The following PTPN4 variants were observed in gnomAD, a reference collection of about 807,000 sequenced individuals.
PTPN4 encodes the protein tyrosine-protein phosphatase non-receptor type 4.
PTPN4 carries 49 observed loss-of-function variants against 135.5 expected under a neutral mutation model. The observed-to-expected ratio is 0.36, with a 90% CI of 0.29 to 0.46. The LOEUF is 0.46. Ranked by LOEUF, PTPN4 falls within the 20% of genes least tolerant of loss-of-function variation. PTPN4 has a pLI of 1.00. For missense variants in PTPN4, 860 were observed against 1,101.0 expected, an observed-to-expected ratio of 0.78 and a Z score of 3.10; for synonymous variants, 333 against 369.9, an observed-to-expected ratio of 0.90 and a Z score of 1.14.
chr2:119,763,048 T>C (rs191360471), intron 1 of PTPN4, among the ~76,000 whole-genome samples: 143 of 152,270 alleles, frequency 9.4e-4, no homozygotes, highest in Non-Finnish European at 1.7e-3. Flanking sequence ...TAGGATATAA[T>C]GTAGAAATAC....
Position 119,920,119 on chromosome 2 carries a change from A to G in PTPN4, c.879A>G (p.Ala293=), listed in dbSNP as rs142256215. ...LLGFNMVNYR[A]CKNLWKACVE... ...GATTTAATATGGTGAATTACAGAGCATGTAAAAATTTGTGGAAAGCATGTG... is the reference window on the plus strand; with the variant it reads ...GATTTAATATGGTGAATTACAGAGCGTGTAAAAATTTGTGGAAAGCATGTG... Residue 293 remains alanine (A), a synonymous_variant, in exon 12 of 27, where the codon GCA becomes GCG. Transcript: ENST00000263708. 446 of 1,613,336 alleles carry G rather than the reference A, an allele frequency of 2.8e-4. 2 individuals are homozygous for G. The African/African-American group carries it at 4.9e-3, about 18-fold the overall frequency.
intron 25 of PTPN4, 70 bp downstream of exon 25, chr2:119,965,715 T>G: frequency 6.6e-7 from 1 of 1,509,538 alleles, no homozygotes; most frequent in Non-Finnish European, 9.0e-7. Context: ...AGAGTACATA[T>G]TTTGTCCTTA....
intron 1 of PTPN4, among the ~76,000 whole-genome samples, chr2:119,804,154 T>A (rs1023801416): frequency 2.0e-5 from 3 of 152,122 alleles, no homozygotes; most frequent in Non-Finnish European, 4.4e-5. Flanking sequence ...TGTCTGTCTC[T>A]GACACTGGGG....
At chr2:119,968,478 C>A (rs1270009875) in intron 26 of PTPN4, among the ~76,000 whole-genome samples, 2 of 152,120 alleles carry the variant, frequency 1.3e-5, no homozygotes, top group African/African-American at 4.8e-5. Flanking sequence ...AATTGTTTTT[C>A]TTTTTACATA....
At chr2:119,877,252 C>A in intron 3 of PTPN4, 71 bp from the exon 4 acceptor site, 1 of 1,507,426 alleles carries the variant, frequency 6.6e-7, no homozygotes, top group Non-Finnish European at 9.0e-7. Context: ...CCAAATGGAA[C>A]AGATTTGCAA....
chr2:119,882,203 C>G lies in PTPN4; in HGVS notation c.466+54C>G, dbSNP rs534871079. On this transcript the variant is annotated intron_variant, in intron 7 of 26. Transcript: ENST00000263708. ...TAGCATATAACTGTGGTTTGTGTTG[C>G]TAGTACATTGGCTTCAATGTGGGAG... 89 of 1,493,648 alleles carry G rather than the reference C, an allele frequency of 6.0e-5. 1 individual carries two copies. The East Asian group carries it at 1.1e-3, about 18-fold the overall frequency. 92.5% of individuals were successfully genotyped at this position (1,493,648 alleles called of 1,614,324 possible). A position where few individuals can be genotyped will look rare whatever the true frequency, so the allele number is the denominator to read the frequency against.
chr2:119,853,233 C>T (rs1574370729), intron 2 of PTPN4, among the ~76,000 whole-genome samples: 1 of 152,210 alleles, frequency 6.6e-6, no homozygotes, highest in Non-Finnish European at 1.5e-5. Context: ...GGGATGTTGA[C>T]ATCCCTAGTT....
intron 3 of PTPN4, among the ~76,000 whole-genome samples, chr2:119,868,818 C>G (rs187447897): frequency 1.3e-5 from 2 of 152,058 alleles, no homozygotes; most frequent in Admixed American, 6.5e-5. Context: ...TTAATAAATA[C>G]GTGGGTAAAT....
chr2:119,833,409 TAATA>T (rs1019433117), intron 2 of PTPN4, among the ~76,000 whole-genome samples: 14 of 152,198 alleles, frequency 9.2e-5, no homozygotes, highest in East Asian at 3.8e-4. Flanking sequence ...TATTTTAGCT[TAATA>T]AATAAGTTTT....
chr2:119,934,658 ACTGT>A (rs1574411453), intron 14 of PTPN4, 138 bp from the exon 15 acceptor site: 1 of 772,044 alleles, frequency 1.3e-6, no homozygotes, highest in Non-Finnish European at 2.1e-6. Context: ...TTTATATCAC[ACTGT>A]CTTTTTCAGA....
At chr2:119,810,534 A>T (rs1459129811) in intron 2 of PTPN4, among the ~76,000 whole-genome samples, 1 of 152,150 alleles carries the variant, frequency 6.6e-6, no homozygotes, top group African/African-American at 2.4e-5. Flanking sequence ...ACCCTTTTGT[A>T]TGAATATACT....
intron 2 of PTPN4, among the ~76,000 whole-genome samples, chr2:119,822,364 CT>C (rs35674640): frequency 0.36 from 41,866 of 116,632 alleles, 6,400 homozygotes; most frequent in South Asian, 0.45. Context: ...CTCCCCCCCC[CT>C]TTTTTTTTTT....
At chr2:119,827,651 T>C (rs900517892) in intron 2 of PTPN4, among the ~76,000 whole-genome samples, 2 of 152,208 alleles carry the variant, frequency 1.3e-5, no homozygotes, top group African/African-American at 4.8e-5. Flanking sequence ...GATAATAGAA[T>C]ATTACCAGTA....
intron 1 of PTPN4, among the ~76,000 whole-genome samples, chr2:119,807,629 C>T (rs193183009): frequency 5.1e-4 from 78 of 152,294 alleles, no homozygotes; most frequent in South Asian, 1.7e-3. Context: ...GATTCATAGC[C>T]GAATTCTACA....
At chr2:119,852,098 TTTGGA>T (rs1677600847) in intron 2 of PTPN4, among the ~76,000 whole-genome samples, 1 of 152,248 alleles carries the variant, frequency 6.6e-6, no homozygotes, top group Non-Finnish European at 1.5e-5. Flanking sequence ...TGTAAATGTT[TTTGGA>T]GTGTGTAGTT....
intron 15 of PTPN4, 101 bp downstream of exon 15, chr2:119,935,059 A>G: frequency 7.5e-7 from 1 of 1,327,888 alleles, no homozygotes; most frequent in Non-Finnish European, 1.0e-6. Flanking sequence ...CAAGATTTTA[A>G]TTATGCAACT....
At position 119,960,842 on chromosome 2, in the gene PTPN4, C is replaced by T. The variant is rs995131364; in HGVS notation, c.2169C>T (p.Tyr723=). The T allele has an allele frequency of 6.2e-7, 1 of 1,613,088 alleles. No individual in the cohort carries two copies. The highest frequency in any genetic ancestry group is 8.5e-7 in the Non-Finnish European group (1 of 1,179,750). The change falls in exon 23 of 27, where the codon TAC becomes TAT. Residue 723 remains tyrosine (Y), a synonymous_variant. Transcript: ENST00000263708. Reference sequence around the variant, plus strand: ...CTTCTTCCAGCATTATAAATCAGTACATTGCTTGTCAAGGGCCATTACCAC... The same window carrying T: ...CTTCTTCCAGCATTATAAATCAGTATATTGCTTGTCAAGGGCCATTACCAC... ...EIPSSSIINQ[Y]IACQGPLPHT...
At chr2:119,895,405 C>T (rs1054449170) in intron 9 of PTPN4, among the ~76,000 whole-genome samples, 4 of 152,060 alleles carry the variant, frequency 2.6e-5, no homozygotes, top group African/African-American at 7.2e-5. Context: ...GTTGGGAGGC[C>T]GAGGTGGGTG....
chr2:119,921,029 C>T (rs901127408), intron 12 of PTPN4, among the ~76,000 whole-genome samples: 8 of 152,096 alleles, frequency 5.3e-5, no homozygotes, highest in Admixed American at 3.3e-4. Flanking sequence ...ACCTGTAATC[C>T]CAGCTCTTTG....
Sources: gnomAD v4.1 joint callset for allele counts (sites outside exome capture counted in the v4.1 genomes callset) on GRCh38, gnomAD v4.1.1 for gene constraint, MANE v1.5 for transcripts, NCBI Gene and HGNC (gene_info 2026-07-23, HGNC 2026-07-21) for gene names.